The following FRYL variants were observed in gnomAD, a reference collection of about 807,000 sequenced individuals.
FRYL encodes the protein FRY like transcription coactivator, also known as protein furry homolog-like.
FRYL carries 150 observed loss-of-function variants against 351.2 expected under a neutral mutation model. The ratio of observed to expected loss-of-function variants is 0.43; its 90% confidence interval spans 0.37 to 0.49. The LOEUF is 0.49. Ranked by LOEUF, FRYL falls within the 20% of genes least tolerant of loss-of-function variation. FRYL has a pLI of 0.00. For synonymous variants in FRYL, 1,153 were observed against 1,257.1 expected (o/e 0.92, Z 1.75); for missense variants, 3,036 against 3,619.3 (o/e 0.84, Z 4.13).
chr4:48,553,238 T>C lies in FRYL; in HGVS notation c.4412A>G (p.Tyr1471Cys), dbSNP rs1326062121. ...ACCTGAGGTGACAGAAGGGATTTTA[T>C]AGCTGGAAGTGATGCGATAATACGG... is the stretch of plus-strand genomic sequence containing the variant. ...NPPYYRITSSYKIPSVTSGTT... is the reference protein window; with the variant it reads ...NPPYYRITSSCKIPSVTSGTT... The change falls in exon 36 of 64, where the codon TAT becomes TGT. Residue 1471 changes from tyrosine (Y) to cysteine (C), a missense_variant. By Grantham distance (194) the Tyr-to-Cys change is radical (BLOSUM62 -2). Coordinates refer to ENST00000358350, the MANE Select transcript of FRYL (RefSeq NM_015030.2). 3 of 1,611,764 alleles carry C rather than the reference T, an allele frequency of 1.9e-6. No homozygotes were observed. The highest frequency in any genetic ancestry group is 2.5e-6 in the Non-Finnish European group (3 of 1,179,338).
intron 3 of FRYL, among the ~76,000 whole-genome samples, chr4:48,635,864 T>C (rs923170846): frequency 6.6e-6 from 1 of 152,156 alleles, no homozygotes; most frequent in Non-Finnish European, 1.5e-5. Context: ...ACTTAAACAC[T>C]GATTTCCTGT....
chr4:48,718,390 G>A (rs541894609), intron 1 of FRYL, among the ~76,000 whole-genome samples: 2 of 151,514 alleles, frequency 1.3e-5, no homozygotes, highest in Non-Finnish European at 2.9e-5. Flanking sequence ...TTTAAGGTAT[G>A]TATCTTTCTT....
intron 1 of FRYL, among the ~76,000 whole-genome samples, chr4:48,715,045 A>G (rs548884327): frequency 6.6e-6 from 1 of 152,358 alleles, no homozygotes; most frequent in Non-Finnish European, 1.5e-5. Context: ...CAATAGATGC[A>G]GAACAGGCCT....
intron 3 of FRYL, among the ~76,000 whole-genome samples, chr4:48,651,931 C>T (rs781099268): frequency 1.3e-5 from 2 of 152,172 alleles, no homozygotes; most frequent in Non-Finnish European, 2.9e-5. Flanking sequence ...AATTTCTTTC[C>T]AGTAATAACC....
In FRYL at chr4:48,561,654, C is replaced by T. The variant is rs1284323819; in HGVS notation, c.3697-18G>A. ...TCCAGAATCTATAGGAATGTGATTCCATCAACTTAGGTTAAGATTTTATGG... is the reference window on the plus strand; with the variant it reads ...TCCAGAATCTATAGGAATGTGATTCTATCAACTTAGGTTAAGATTTTATGG... On this transcript the variant is annotated intron_variant, in intron 32 of 63. Transcript: ENST00000358350. 2.5e-6 allele frequency: 4 copies of T among 1,581,578 alleles called. No homozygotes were observed. The highest frequency in any genetic ancestry group is 1.8e-5 in the Admixed American group (1 of 56,266).
chr4:48,666,346 G>A (rs1044093585), intron 3 of FRYL, among the ~76,000 whole-genome samples: 33 of 151,988 alleles, frequency 2.2e-4, no homozygotes, highest in African/African-American at 8.0e-4. Flanking sequence ...CAGCCTGGGT[G>A]ACACAGTGAG....
chr4:48,595,546 T>C, intron 15 of FRYL, 44 bp downstream of exon 15: 1 of 1,137,620 alleles, frequency 8.8e-7, no homozygotes, highest in Non-Finnish European at 1.3e-6. Flanking sequence ...AATAGATTAC[T>C]CTAACAATTT....
chr4:48,632,233 TTTTAAAATGTGCTGTGTGAC>T (rs1448897834), intron 4 of FRYL, among the ~76,000 whole-genome samples: 1 of 147,956 alleles, frequency 6.8e-6, no homozygotes, highest in East Asian at 1.9e-4. Flanking sequence ...AATAAAGTGT[TTTTAAAATGTGCTGTGTGAC>T]TTGAAAATGG....
intron 9 of FRYL, 138 bp downstream of exon 9, chr4:48,608,849 G>C: frequency 7.7e-6 from 5 of 651,540 alleles, no homozygotes; most frequent in Non-Finnish European, 1.4e-5. Flanking sequence ...AAACAGAGCA[G>C]TAAAGTAATA....
chr4:48,691,450 T>C (rs1444077110), intron 2 of FRYL, among the ~76,000 whole-genome samples: 3 of 151,922 alleles, frequency 2.0e-5, no homozygotes, highest in Non-Finnish European at 1.5e-5. Flanking sequence ...TTTTACAAAG[T>C]GAAAAAAAAT....
chr4:48,615,045 C>T (rs1332434700), intron 7 of FRYL, among the ~76,000 whole-genome samples: 5 of 152,208 alleles, frequency 3.3e-5, no homozygotes, highest in African/African-American at 1.2e-4. Flanking sequence ...CCAAGATGGT[C>T]TCGATCTCCT....
At chr4:48,527,690 A>G in intron 52 of FRYL, 37 bp from the exon 53 acceptor site, 1 of 1,572,540 alleles carries the variant, frequency 6.4e-7, no homozygotes, top group Non-Finnish European at 8.6e-7. Flanking sequence ...AAGTCCATCC[A>G]TCAGATTTGT....
chr4:48,663,238 T>G (rs1761124664), intron 3 of FRYL, among the ~76,000 whole-genome samples: 1 of 151,858 alleles, frequency 6.6e-6, no homozygotes, highest in African/African-American at 2.4e-5. Context: ...GTTCTTATAT[T>G]ATATGTAAAA....
intron 1 of FRYL, among the ~76,000 whole-genome samples, chr4:48,748,935 G>C (rs181475246): frequency 1.3e-5 from 2 of 152,312 alleles, no homozygotes; most frequent in Non-Finnish European, 2.9e-5. Context: ...AAGCAAGAGA[G>C]TCATCCAGGT....
intron 1 of FRYL, among the ~76,000 whole-genome samples, chr4:48,757,838 C>T (rs997385898): frequency 9.2e-5 from 14 of 152,280 alleles, no homozygotes; most frequent in Middle Eastern, 3.4e-3. Context: ...TCAAACTATA[C>T]TACAAGGCTA....
chr4:48,707,866 G>A lies in FRYL; in HGVS notation c.-204+2653C>T, dbSNP rs372414993. Among the ~76,000 whole-genome samples, 209 of 151,206 alleles carry A rather than the reference G, an allele frequency of 1.4e-3. 1 individual carries two copies. The highest frequency in any genetic ancestry group is 4.5e-3 in the African/African-American group (186 of 41,260). ...GATGGAGTCTTGCTCTGTCTCCCAG[G>A]CTGGAGTGCAGTGGTGCAATCTTGG... is the stretch of plus-strand genomic sequence containing the variant. On this transcript the variant is annotated intron_variant, in intron 2 of 63. Coordinates refer to ENST00000358350, the MANE Select transcript of FRYL (RefSeq NM_015030.2).
intron 12 of FRYL, 57 bp downstream of exon 12, chr4:48,603,233 A>G: frequency 8.6e-7 from 1 of 1,161,088 alleles, no homozygotes; most frequent in Non-Finnish European, 1.3e-6. Context: ...TGAATTCATA[A>G]ATCAATTACT....
At chr4:48,507,101 C>G (rs1044402437) in intron 59 of FRYL, among the ~76,000 whole-genome samples, 8 of 152,110 alleles carry the variant, frequency 5.3e-5, no homozygotes, top group Non-Finnish European at 1.2e-4. Flanking sequence ...TCCAAGTATA[C>G]TAATAAATTT....
intron 54 of FRYL, among the ~76,000 whole-genome samples, chr4:48,522,493 T>G (rs1184323151): frequency 6.6e-6 from 1 of 152,220 alleles, no homozygotes; most frequent in Admixed American, 6.5e-5. Flanking sequence ...GCAGCTTTCA[T>G]TTTCCACTGA....
Sources: allele counts gnomAD v4.1 joint callset (sites outside exome capture counted in the v4.1 genomes callset), GRCh38; gene constraint gnomAD v4.1.1; transcripts MANE v1.5; gene names NCBI Gene and HGNC (gene_info 2026-07-23, HGNC 2026-07-21).